The following TNFRSF11A variants were observed in gnomAD, a reference collection of about 807,000 sequenced individuals.
The protein encoded by TNFRSF11A is TNF receptor superfamily member 11a, also known as tumor necrosis factor receptor superfamily member 11A.
Under a neutral mutation model 55.7 loss-of-function variants are expected in TNFRSF11A, and 32 were observed. The ratio of observed to expected loss-of-function variants is 0.57; its 90% confidence interval spans 0.43 to 0.77. The LOEUF (loss-of-function observed/expected upper bound fraction) is 0.77. Among genes scored for constraint, TNFRSF11A ranks in the 30% least tolerant of loss-of-function variants. TNFRSF11A has a pLI of 0.00. For synonymous variants in TNFRSF11A, 311 were observed against 331.0 expected (o/e 0.94, Z 0.65); for missense variants, 753 against 809.8 (o/e 0.93, Z 0.85).
At position 62,360,053 on chromosome 18, in the gene TNFRSF11A, T is replaced by C. The variant is rs369661742; in HGVS notation, c.616+4T>C. On this transcript the variant is annotated splice_donor_region_variant and intron_variant, in intron 6 of 9. Transcript: ENST00000586569. ...CCAGCTAGAAAACCACCAAATGGTATGTTTAAAAAGAGCCTGTTGGTTGAT... is the reference window on the plus strand; with the variant it reads ...CCAGCTAGAAAACCACCAAATGGTACGTTTAAAAAGAGCCTGTTGGTTGAT... 12 of 1,613,120 alleles carry C rather than the reference T, an allele frequency of 7.4e-6. No homozygotes were observed. Among genetic ancestry groups the C allele is most frequent in the Admixed American group, 1.7e-5 (1 of 59,978 alleles).
intron 9 of TNFRSF11A, among the ~76,000 whole-genome samples, chr18:62,378,524 C>T (rs1911050769): frequency 6.6e-6 from 1 of 152,184 alleles, no homozygotes; most frequent in African/African-American, 2.4e-5. Flanking sequence ...TTTCATGAAT[C>T]TCTGTGTCCT....
At chr18:62,363,404 T>C (rs2145336818) in intron 7 of TNFRSF11A, among the ~76,000 whole-genome samples, 1 of 148,494 alleles carries the variant, frequency 6.7e-6, no homozygotes, top group East Asian at 2.0e-4. Context: ...AGTCTCGCTC[T>C]GTCGCCCAAG....
At chr18:62,350,270 TTTTA>T in intron 3 of TNFRSF11A, among the ~76,000 whole-genome samples, 1 of 152,162 alleles carries the variant, frequency 6.6e-6, no homozygotes, top group East Asian at 1.9e-4. Context: ...ATCCCTTTTA[TTTTA>T]TTTGTTTATT....
intron 9 of TNFRSF11A, among the ~76,000 whole-genome samples, chr18:62,371,560 A>G (rs1910552535): frequency 6.6e-6 from 1 of 152,214 alleles, no homozygotes; most frequent in Admixed American, 6.5e-5. Context: ...AAAAGTTTAC[A>G]CTGCTTTTTC....
chr18:62,325,454 C>CGCGCGGCCCGGCAG lies in TNFRSF11A; in HGVS notation c.75+37_75+38insGCAGGCGCGGCCCG. On this transcript the variant is annotated intron_variant, in intron 1 of 9. Coordinates refer to ENST00000586569, the MANE Select transcript of TNFRSF11A (RefSeq NM_003839.4). The surrounding 1 kb of genome is among the most constrained non-coding windows in gnomAD (Gnocchi z 4.7). ...TAAGGAGCGCCCGCGCCTGCCGGGC[C>CGCGCGGCCCGGCAG]GCGCGGCCCGACGCCTCCTCGGGAG... 1 of 1,243,134 alleles carries CGCGCGGCCCGGCAG rather than the reference C, an allele frequency of 8.0e-7. No individual in the cohort carries two copies. The highest frequency in any genetic ancestry group is 1.0e-6 in the Non-Finnish European group (1 of 980,442). 77.0% of individuals were successfully genotyped at this position (1,243,134 alleles called of 1,614,324 possible). A position where few individuals can be genotyped will look rare whatever the true frequency, so the allele number is the denominator to read the frequency against.
In TNFRSF11A at chr18:62,342,401, C is replaced by CAAAAAAAAAAAAAAAAAAAAAAAAA. The variant is rs371734407; in HGVS notation, c.76-5743_76-5742insAAAAAAAAAAAAAAAAAAAAAAAAA. Reference sequence around the variant, plus strand: ...TGGGTGACAGAGTGAGATTCTGTCTCAAAAAAAAAAAAAAAAAAAAAAAAT... The same window carrying CAAAAAAAAAAAAAAAAAAAAAAAAA: ...TGGGTGACAGAGTGAGATTCTGTCTCAAAAAAAAAAAAAAAAAAAAAAAAAAAAAAAAAAAAAAAAAAAAAAAAAT... On this transcript the variant is annotated intron_variant, in intron 1 of 9. Coordinates refer to ENST00000586569, the MANE Select transcript of TNFRSF11A (RefSeq NM_003839.4). Among the ~76,000 whole-genome samples, 4 of 62,228 alleles carry CAAAAAAAAAAAAAAAAAAAAAAAAA rather than the reference C, an allele frequency of 6.4e-5. 1 individual carries two copies. The highest frequency in any genetic ancestry group is 1.4e-4 in the Non-Finnish European group (4 of 29,018). 40.8% of individuals were successfully genotyped at this position (62,228 alleles called of 152,430 possible).
chr18:62,348,297 A>C, intron 2 of TNFRSF11A, 48 bp downstream of exon 2: 1 of 1,535,646 alleles, frequency 6.5e-7, no homozygotes. Context: ...AAAGTGGGTG[A>C]GGCTTTCATT....
intron 1 of TNFRSF11A, among the ~76,000 whole-genome samples, chr18:62,331,770 T>C (rs900552365): frequency 6.6e-6 from 1 of 152,232 alleles, no homozygotes; most frequent in African/African-American, 2.4e-5. Context: ...AAAAACTGTT[T>C]GCTTGCATGA....
chr18:62,358,187 AGTGACCTC>A (rs1909412051), intron 4 of TNFRSF11A, 53 bp from the exon 5 acceptor site: 1 of 1,524,888 alleles, frequency 6.6e-7, no homozygotes, highest in Admixed American at 1.7e-5. Flanking sequence ...ATGATCTCTA[AGTGACCTC>A]GTTTGTTTTT....
Position 62,380,784 on chromosome 18 carries a change from C to T in TNFRSF11A, c.1568-3967C>T, listed in dbSNP as rs11873392. On this transcript the variant is annotated intron_variant, in intron 9 of 9. Transcript: ENST00000586569. ...AGTTTTTGCCCTTCCACAAGCCTCA[C>T]GGCCTTCCAAAAATAATATTCTTTT... Among the ~76,000 whole-genome samples the T allele has an allele frequency of 2.5e-3, 375 of 150,788 alleles. 1 individual carries two copies. Among genetic ancestry groups the T allele is most frequent in the African/African-American group, 8.7e-3 (358 of 41,138 alleles).
At chr18:62,334,633 C>A (rs566597778) in intron 1 of TNFRSF11A, among the ~76,000 whole-genome samples, 5 of 152,176 alleles carry the variant, frequency 3.3e-5, no homozygotes, top group Non-Finnish European at 7.4e-5. Flanking sequence ...GGGGACTCTT[C>A]CCTTGATGAG....
intron 9 of TNFRSF11A, chr18:62,378,102 G>A (rs1417688143): frequency 6.6e-6 from 1 of 152,202 alleles, no homozygotes; most frequent in Non-Finnish European, 1.5e-5. Context: ...TGCCAACATG[G>A]TGACCTATTG....
At chr18:62,341,566 C>T (rs1485248545) in intron 1 of TNFRSF11A, among the ~76,000 whole-genome samples, 3 of 152,206 alleles carry the variant, frequency 2.0e-5, no homozygotes, top group Non-Finnish European at 2.9e-5. Flanking sequence ...TAATTCCACT[C>T]AGCTGTGCCC....
intron 1 of TNFRSF11A, among the ~76,000 whole-genome samples, chr18:62,341,133 T>C (rs1399019859): frequency 2.6e-5 from 4 of 152,236 alleles, no homozygotes; most frequent in Non-Finnish European, 4.4e-5. Context: ...TGGCAGCAGC[T>C]TTATCAGCAG....
chr18:62,333,758 G>A (rs2046189810), intron 1 of TNFRSF11A, among the ~76,000 whole-genome samples: 1 of 152,194 alleles, frequency 6.6e-6, no homozygotes, highest in Non-Finnish European at 1.5e-5. Context: ...AGAATGGTGG[G>A]ACAGAAAGCT....
At chr18:62,328,832 T>A (rs755218215) in intron 1 of TNFRSF11A, among the ~76,000 whole-genome samples, 1 of 152,220 alleles carries the variant, frequency 6.6e-6, no homozygotes, top group Non-Finnish European at 1.5e-5. Flanking sequence ...TTTCTACCAC[T>A]TCCCCCTAAA....
intron 5 of TNFRSF11A, among the ~76,000 whole-genome samples, chr18:62,358,575 G>A (rs1344461516): frequency 6.6e-6 from 1 of 152,218 alleles, no homozygotes. Context: ...TTGGTAATCT[G>A]TGACTTACGG....
intron 4 of TNFRSF11A, among the ~76,000 whole-genome samples, chr18:62,356,541 G>C (rs550686532): frequency 2.0e-5 from 3 of 152,222 alleles, no homozygotes; most frequent in Non-Finnish European, 2.9e-5. Context: ...GACAAAATAG[G>C]TTGAGGATAG....
Position 62,369,205 on chromosome 18 carries a change from C to A in TNFRSF11A, c.1288C>A (p.His430Asn), listed in dbSNP as rs775667715. Residue 430 changes from histidine to asparagine, a missense_variant, in exon 9 of 10, where the codon CAT (histidine) becomes AAT (asparagine). Around this residue, in one of 3 missense-constraint regions of TNFRSF11A, gnomAD observed 567 missense variants for 596.7 expected, o/e 0.95. Coordinates refer to ENST00000586569, the MANE Select transcript of TNFRSF11A (RefSeq NM_003839.4). ...NYLQKEVDSG[H>N]CPHWAASPSP... ...CTTGCAAAAAGAGGTGGACAGTGGCCATTGCCCGCACTGGGCAGCCAGCCC... is the reference window on the plus strand; with the variant it reads ...CTTGCAAAAAGAGGTGGACAGTGGCAATTGCCCGCACTGGGCAGCCAGCCC... 27 of 1,613,840 alleles carry A rather than the reference C, an allele frequency of 1.7e-5. No homozygotes were observed. The highest frequency in any genetic ancestry group is 5.0e-5 in the Admixed American group (3 of 60,014).
Sources: allele counts gnomAD v4.1 joint callset (sites outside exome capture counted in the v4.1 genomes callset), GRCh38; gene constraint gnomAD v4.1.1; regional missense constraint gnomAD v4.1.1; non-coding constraint Gnocchi (gnomAD v3.1); transcripts MANE v1.5; gene names NCBI Gene and HGNC (gene_info 2026-07-23, HGNC 2026-07-21).